RAB40C: variants seen among roughly 807,000 people sequenced by gnomAD.
RAB40C encodes the protein ras-related protein Rab-40C.
Under a neutral mutation model 28.1 loss-of-function variants are expected in RAB40C, and 8 were observed. The ratio of observed to expected loss-of-function variants is 0.28; its 90% confidence interval spans 0.17 to 0.51. RAB40C has a LOEUF of 0.51. Among genes scored for constraint, RAB40C ranks in the 20% least tolerant of loss-of-function variants. The pLI is 0.97. For synonymous variants in RAB40C, 201 were observed against 171.7 expected, an observed-to-expected ratio of 1.17 and a Z score of -1.34; for missense variants, 288 against 405.9, an observed-to-expected ratio of 0.71 and a Z score of 2.50.
rs1030352394 is a variant in RAB40C, at chr16:607,537, C to T, written c.143-9671C>T. Among the ~76,000 whole-genome samples, 4 of 148,610 alleles carry T rather than the reference C, an allele frequency of 2.7e-5. No individual in the cohort carries two copies. The South Asian group carries it at 6.3e-4, about 24-fold the overall frequency. On this transcript the variant is annotated intron_variant, in intron 1 of 5. Coordinates refer to ENST00000248139, the MANE Select transcript of RAB40C (RefSeq NM_021168.5). ...AAAAACGGGGGGCCGGGCGCGGTGG[C>T]TCACGCCTGTAATCGCAGCACTTTG...
chr16:593,403 C>T (rs2036043082), intron 1 of RAB40C, among the ~76,000 whole-genome samples: 1 of 152,244 alleles, frequency 6.6e-6, no homozygotes, highest in African/African-American at 2.4e-5. Flanking sequence ...ACCTCCATTG[C>T]TTTCTCTCCT....
chr16:618,753 G>A (rs1432178572), intron 3 of RAB40C, among the ~76,000 whole-genome samples: 2 of 145,700 alleles, frequency 1.4e-5, no homozygotes, highest in African/African-American at 2.6e-5. Context: ...TCTGGCGGAC[G>A]CACTGGGGCC....
intron 1 of RAB40C, among the ~76,000 whole-genome samples, chr16:599,982 C>T (rs1472393838): frequency 5.3e-5 from 5 of 93,984 alleles, no homozygotes; most frequent in East Asian, 3.4e-4. Flanking sequence ...AGCGTGGATT[C>T]GCAAGGTTTT....
intron 5 of RAB40C, 49 bp downstream of exon 5, chr16:626,170 C>T (rs1240691376): frequency 3.9e-6 from 6 of 1,542,168 alleles, no homozygotes; most frequent in Non-Finnish European, 5.4e-6. Context: ...ACCTGGGCTG[C>T]CCTGATCACA....
At position 598,959 on chromosome 16, in the gene RAB40C, C is replaced by T. The variant is rs557717740; in HGVS notation, c.142+8526C>T. 2.6e-5 allele frequency among the ~76,000 whole-genome samples: 4 copies of T among 152,296 alleles called. No individual in the cohort carries two copies. The East Asian group carries it at 5.8e-4, about 22-fold the overall frequency. ...GTGTGCTGCTTTCCCTGCCCGGGGC[C>T]GGCGGCTGCTGCTGGGCTTTCGCCT... is the stretch of plus-strand genomic sequence containing the variant. On this transcript the variant is annotated intron_variant, in intron 1 of 5. Transcript: ENST00000248139.
chr16:624,794 G>A, intron 3 of RAB40C: 2 of 985,462 alleles, frequency 2.0e-6, no homozygotes, highest in East Asian at 1.1e-4. Flanking sequence ...GGCTCTGAGT[G>A]TGAGCAGTGT....
At chr16:619,707 T>C (rs1377706463) in intron 3 of RAB40C, among the ~76,000 whole-genome samples, 1 of 152,174 alleles carries the variant, frequency 6.6e-6, no homozygotes, top group African/African-American at 2.4e-5. Flanking sequence ...TGGATCCTTC[T>C]TGGGGGAAGG....
rs1189047784 is a variant in RAB40C, at chr16:590,288, G to A, written c.-4G>A. 2.0e-6 allele frequency: 3 copies of A among 1,513,600 alleles called. No individual in the cohort carries two copies. The highest frequency in any genetic ancestry group is 2.5e-5 in the South Asian group (2 of 80,496). The allele number at this position is 1,513,600 out of a possible 1,614,324, so 93.8% of individuals were successfully genotyped here. The stretch of plus-strand genomic sequence containing the variant: ...GGCCGGCGCGGGGCGCAGGCGGCGC[G>A]GCCATGGGCTCGCAGGGCAGTCCGG... On this transcript the variant is annotated 5_prime_UTR_variant, in exon 1 of 6. Transcript: ENST00000248139.
chr16:599,714 G>A (rs1269763433), intron 1 of RAB40C, among the ~76,000 whole-genome samples: 1 of 118,642 alleles, frequency 8.4e-6, no homozygotes, highest in Non-Finnish European at 1.8e-5. Flanking sequence ...TTGTTCCCTC[G>A]TGGCATCAGT....
intron 1 of RAB40C, among the ~76,000 whole-genome samples, chr16:614,572 ACT>A (rs1286569450): frequency 8.7e-6 from 1 of 115,218 alleles, no homozygotes; most frequent in African/African-American, 3.5e-5. Flanking sequence ...GAACTGCCTA[ACT>A]CTACCGCATC....
intron 1 of RAB40C, among the ~76,000 whole-genome samples, chr16:603,089 C>T (rs972081883): frequency 2.0e-5 from 3 of 152,160 alleles, no homozygotes; most frequent in Non-Finnish European, 4.4e-5. Flanking sequence ...TGGGGCCAGA[C>T]CTGTGTTTTT....
chr16:620,257 G>A (rs770019388), intron 3 of RAB40C, among the ~76,000 whole-genome samples: 6 of 152,106 alleles, frequency 3.9e-5, no homozygotes, highest in Admixed American at 6.5e-5. Context: ...GCCGAGCATG[G>A]TGGCGGGCGC....
At chr16:592,471 G>T (rs1460508235) in intron 1 of RAB40C, among the ~76,000 whole-genome samples, 1 of 152,206 alleles carries the variant, frequency 6.6e-6, no homozygotes, top group Non-Finnish European at 1.5e-5. Flanking sequence ...TGTCCATTTT[G>T]AGGTGGGGGA....
intron 1 of RAB40C, among the ~76,000 whole-genome samples, chr16:611,335 T>C (rs7204439): frequency 0.49 from 74,154 of 152,078 alleles, 18,651 homozygotes; most frequent in East Asian, 0.64. Context: ...TGCTGGCGCC[T>C]GCCTGCTTGG....
chr16:614,272 A>C (rs1191847701), intron 1 of RAB40C, among the ~76,000 whole-genome samples: 1 of 148,284 alleles, frequency 6.7e-6, no homozygotes, highest in Non-Finnish European at 1.5e-5. Context: ...TGAACTGCCT[A>C]ACTCTACCAC....
rs150768098 is a variant in RAB40C, at chr16:627,740, G to A, written c.*118G>A. The A allele has an allele frequency of 2.1e-4, 265 of 1,288,262 alleles. 1 individual carries two copies. The Middle Eastern group carries it at 2.9e-3, about 14-fold the overall frequency. 79.8% of individuals were successfully genotyped at this position (1,288,262 alleles called of 1,614,324 possible). A position where few individuals can be genotyped will look rare whatever the true frequency, so the allele number is the denominator to read the frequency against. ...CTGTCCACACAGCTGCCTCAGAAGC[G>A]CCGGGCTTTCCTCACACCTGAGCCG... is the stretch of plus-strand genomic sequence containing the variant. On this transcript the variant is annotated 3_prime_UTR_variant, in exon 6 of 6. Transcript: ENST00000248139.
At chr16:616,441 T>A (rs1205010543) in intron 1 of RAB40C, among the ~76,000 whole-genome samples, 3 of 151,750 alleles carry the variant, frequency 2.0e-5, no homozygotes, top group Admixed American at 6.6e-5. Context: ...CAGCTTCAAG[T>A]GATTCTCCTG....
chr16:617,092 C>G, intron 1 of RAB40C, 116 bp from the exon 2 acceptor site: 5 of 1,075,964 alleles, frequency 4.6e-6, no homozygotes, highest in Non-Finnish European at 7.0e-6. Context: ...TGTGGGGGAG[C>G]TGCTTCTCCA....
chr16:612,075 CA>C (rs66495936), intron 1 of RAB40C, among the ~76,000 whole-genome samples: 14 of 22,586 alleles, frequency 6.2e-4, no homozygotes, highest in East Asian at 2.0e-3. Context: ...GCATCAAGAG[CA>C]AGGGACAGCC....
Sources: gnomAD v4.1 joint callset for allele counts (sites outside exome capture counted in the v4.1 genomes callset) on GRCh38, gnomAD v4.1.1 for gene constraint, MANE v1.5 for transcripts, NCBI Gene and HGNC (gene_info 2026-07-23, HGNC 2026-07-21) for gene names.